Variants in ARSG observed in about 807,000 individuals in gnomAD.
ARSG encodes arylsulfatase G, also known as ASG.
Under a neutral mutation model 50.5 loss-of-function variants are expected in ARSG, and 37 were observed. That is an observed-to-expected ratio of 0.73 (90% CI 0.56 to 0.96). ARSG has a LOEUF of 0.96. Among genes scored for constraint, ARSG ranks in the 50% least tolerant of loss-of-function variants. The probability of loss-of-function intolerance (pLI) is 0.00; values close to 1 mark genes in which losing one functional copy is unlikely to be tolerated. For synonymous variants in ARSG, 225 were observed against 254.6 expected (o/e 0.88, Z 1.11); for missense variants, 629 against 675.3 (o/e 0.93, Z 0.76).
intron 2 of ARSG, among the ~76,000 whole-genome samples, chr17:68,326,876 G>A (rs75555206): frequency 0.02 from 3,081 of 152,236 alleles, 47 homozygotes; most frequent in Non-Finnish European, 0.027. Context: ...AGCAACAGTC[G>A]TCAGCAGCCC....
chr17:68,361,773 C>T (rs994939051), intron 6 of ARSG, among the ~76,000 whole-genome samples: 14 of 152,092 alleles, frequency 9.2e-5, no homozygotes, highest in African/African-American at 2.9e-4. Flanking sequence ...AAAAATTAGC[C>T]GGTCATGGTG....
chr17:68,276,010 A>G lies in ARSG; in HGVS notation c.-552+16584A>G, dbSNP rs145893174. 2.0e-3 allele frequency among the ~76,000 whole-genome samples: 298 copies of G among 150,614 alleles called. 5 individuals are homozygous for G. Among genetic ancestry groups the G allele is most frequent in the Middle Eastern group, 0.018 (5 of 276 alleles). On this transcript the variant is annotated intron_variant, in intron 1 of 11. Transcript: ENST00000448504. ...AAAAAAAAAAAATTAAGTTATCTTG[A>G]TACTCACTTAAAATAGAACCAGGAA...
At chr17:68,330,986 G>C (rs904943254) in intron 2 of ARSG, among the ~76,000 whole-genome samples, 57 of 145,542 alleles carry the variant, frequency 3.9e-4, no homozygotes, top group African/African-American at 8.6e-4. Flanking sequence ...TGCGGGGGGG[G>C]GGGGAGGTGG....
At chr17:68,385,345 T>TCTGA (rs2080659341) in intron 9 of ARSG, among the ~76,000 whole-genome samples, 173 bp downstream of exon 9, 1 of 151,734 alleles carries the variant, frequency 6.6e-6, no homozygotes, top group African/African-American at 2.4e-5. Context: ...CTTCCAAGAC[T>TCTGA]CTGACTGTAG....
chr17:68,447,863 GGTGCTTGTA>G, the ARSG span, among the ~76,000 whole-genome samples: 1 of 151,630 alleles, frequency 6.6e-6, no homozygotes, highest in Non-Finnish European at 1.5e-5. Context: ...CGTGGTGGCA[GGTGCTTGTA>G]GTCCCAGCTA....
In ARSG at chr17:68,320,498, C is replaced by T. The variant is rs578235161; in HGVS notation, c.218+12787C>T. ...CTAGGATCTCCCTCGGGGCACTGTC[C>T]CAGGTGCTGGGAACACAGCTGTGAT... On this transcript the variant is annotated intron_variant, in intron 2 of 11. Coordinates refer to ENST00000621439, the MANE Select transcript of ARSG (RefSeq NM_001267727.2). Among the ~76,000 whole-genome samples, 254 of 152,230 alleles carry T rather than the reference C, an allele frequency of 1.7e-3. 2 individuals carry two copies. The highest frequency in any genetic ancestry group is 1.9e-3 in the South Asian group (9 of 4,820).
At chr17:68,286,198 C>T (rs57679222) in intron 1 of ARSG, among the ~76,000 whole-genome samples, 2,227 of 152,314 alleles carry the variant, frequency 0.015, 50 homozygotes, top group African/African-American at 0.051. Context: ...CTGGCCAGCA[C>T]TGAAGTTCTG....
chr17:68,364,571 G>C (rs2079452881), intron 6 of ARSG, among the ~76,000 whole-genome samples: 1 of 152,112 alleles, frequency 6.6e-6, no homozygotes, highest in Admixed American at 6.5e-5. Flanking sequence ...TGTTGGCCAG[G>C]CTGGTCTTGA....
At chr17:68,443,758 T>A in the ARSG span, among the ~76,000 whole-genome samples, 2 of 152,252 alleles carry the variant, frequency 1.3e-5, no homozygotes, top group Non-Finnish European at 2.9e-5. Context: ...AAGCAGTTGT[T>A]CAATGATACC....
At chr17:68,374,424 A>G (rs1022788388) in intron 8 of ARSG, among the ~76,000 whole-genome samples, 3 of 152,164 alleles carry the variant, frequency 2.0e-5, no homozygotes, top group African/African-American at 7.2e-5. Context: ...GGGGAGAAGA[A>G]TTTACCTACT....
chr17:68,305,623 A>T (rs559295409), intron 1 of ARSG, among the ~76,000 whole-genome samples: 3 of 152,344 alleles, frequency 2.0e-5, no homozygotes, highest in Admixed American at 2.0e-4. Flanking sequence ...CATGAAAAAA[A>T]TTTTTTGAAA....
chr17:68,362,058 A>T (rs2079316442), intron 6 of ARSG, among the ~76,000 whole-genome samples: 1 of 152,228 alleles, frequency 6.6e-6, no homozygotes, highest in Admixed American at 6.5e-5. Context: ...GCTAAGACAC[A>T]GGACACGCAT....
intron 10 of ARSG, among the ~76,000 whole-genome samples, chr17:68,396,440 G>A (rs559354841): frequency 1.3e-5 from 2 of 152,330 alleles, no homozygotes; most frequent in African/African-American, 4.8e-5. Flanking sequence ...GCCAGGAAAT[G>A]TCAGGCCTCA....
At chr17:68,396,174 G>A (rs1418415358) in intron 10 of ARSG, among the ~76,000 whole-genome samples, 1 of 152,034 alleles carries the variant, frequency 6.6e-6, no homozygotes, top group African/African-American at 2.4e-5. Context: ...ATGCCACCAT[G>A]CTCAGCTAAT....
chr17:68,341,415 T>G (rs2078263735), intron 2 of ARSG, among the ~76,000 whole-genome samples: 1 of 152,192 alleles, frequency 6.6e-6, no homozygotes, highest in Non-Finnish European at 1.5e-5. Flanking sequence ...TCCCTCCCCT[T>G]GTGGGAAACC....
chr17:68,434,763 ATGTT>A, the ARSG span: 1 of 761,568 alleles, frequency 1.3e-6, no homozygotes. Context: ...GCATAGAGGC[ATGTT>A]TATTTATGTG....
intron 1 of ARSG, chr17:68,274,042 A>G (rs2075430660): frequency 6.2e-7 from 1 of 1,614,146 alleles, no homozygotes; most frequent in East Asian, 2.2e-5. Context: ...GGTGTCCGAA[A>G]CGATTGCTCA....
chr17:68,327,296 G>C (rs1187858790), intron 2 of ARSG, among the ~76,000 whole-genome samples: 1 of 152,116 alleles, frequency 6.6e-6, no homozygotes, highest in Non-Finnish European at 1.5e-5. Context: ...GAGGCCTGCT[G>C]TAACACAGTA....
intron 1 of ARSG, chr17:68,270,924 G>A (rs144195353): frequency 3.8e-5 from 62 of 1,614,030 alleles, no homozygotes; most frequent in Admixed American, 1.2e-4. Flanking sequence ...CAATGCCCAC[G>A]ACATCATCCT....
Sources: allele counts gnomAD v4.1 joint callset (sites outside exome capture counted in the v4.1 genomes callset), GRCh38; gene constraint gnomAD v4.1.1; transcripts MANE v1.5; gene names NCBI Gene and HGNC (gene_info 2026-07-23, HGNC 2026-07-21).